Variants in ZNF565 observed in about 807,000 individuals in gnomAD.
ZNF565 encodes zinc finger protein 565.
Under a neutral mutation model 39.4 loss-of-function variants are expected in ZNF565, and 27 were observed. The ratio of observed to expected loss-of-function variants is 0.69; its 90% CI spans 0.51 to 0.95. The LOEUF (loss-of-function observed/expected upper bound fraction) is 0.95. Among genes scored for constraint, ZNF565 ranks in the 40% least tolerant of loss-of-function variants. The pLI is 0.00. For synonymous variants in ZNF565, 185 were observed against 216.6 expected, an observed-to-expected ratio of 0.85 and a Z score of 1.28; for missense variants, 524 against 621.1, an observed-to-expected ratio of 0.84 and a Z score of 1.66.
intron 4 of ZNF565, among the ~76,000 whole-genome samples, chr19:36,187,454 C>T (rs954692039): frequency 6.6e-6 from 1 of 151,802 alleles, no homozygotes; most frequent in Non-Finnish European, 1.5e-5. Context: ...CTCTGCCTCC[C>T]GGATTCACGC....
chr19:36,212,975 A>G (rs935695586), intron 1 of ZNF565: 9 of 152,260 alleles, frequency 5.9e-5, no homozygotes, highest in African/African-American at 2.2e-4. Flanking sequence ...GCAAGGAATC[A>G]TGAACAACCA....
At chr19:36,240,906 T>G (rs953523705) in intron 1 of ZNF565, among the ~76,000 whole-genome samples, 3 of 152,148 alleles carry the variant, frequency 2.0e-5, no homozygotes, top group African/African-American at 7.2e-5. Context: ...AGTCTCCACT[T>G]TCATGAGTAG....
intron 1 of ZNF565, among the ~76,000 whole-genome samples, chr19:36,209,024 G>A (rs1976255920): frequency 6.6e-6 from 1 of 151,982 alleles, no homozygotes; most frequent in South Asian, 2.1e-4. Context: ...TAGAGATGGG[G>A]TTTCGTCATA....
chr19:36,209,626 T>C (rs543760950), intron 1 of ZNF565, among the ~76,000 whole-genome samples: 1 of 152,276 alleles, frequency 6.6e-6, no homozygotes, highest in South Asian at 2.1e-4. Context: ...TGTGATTGTT[T>C]CACATACTCA....
At chr19:36,244,539 G>T (rs576517172) in intron 1 of ZNF565, among the ~76,000 whole-genome samples, 1 of 151,796 alleles carries the variant, frequency 6.6e-6, no homozygotes, top group South Asian at 2.1e-4. Flanking sequence ...AGACCCTAAA[G>T]AAAAAGTTTA....
upstream of ZNF565, among the ~76,000 whole-genome samples, chr19:36,219,133 CTTTT>C: frequency 6.6e-6 from 1 of 152,106 alleles, no homozygotes; most frequent in South Asian, 2.1e-4. Flanking sequence ...TGGATATTTC[CTTTT>C]TTAACTGGAA....
At chr19:36,184,731 T>C (rs1440484725) in intron 4 of ZNF565, among the ~76,000 whole-genome samples, 1 of 152,194 alleles carries the variant, frequency 6.6e-6, no homozygotes, top group Non-Finnish European at 1.5e-5. Context: ...GGCATCTATA[T>C]TTTCAACACT....
chr19:36,245,344 C>A lies in ZNF565; in HGVS notation c.55+132G>T. On this transcript the variant is annotated intron_variant, in intron 1 of 4. Coordinates refer to the ZNF565 transcript ENST00000355114. The surrounding 1 kb of genome is among the most constrained non-coding windows in gnomAD (Gnocchi z 4.4). Reference sequence around the variant, plus strand: ...TCTAAGCCGAGGGGCTGCTGCCGGACATTCTAGGGTCTGATCTGGCGGGCT... The same window carrying A: ...TCTAAGCCGAGGGGCTGCTGCCGGAAATTCTAGGGTCTGATCTGGCGGGCT... 1.5e-6 allele frequency: 1 copy of A among 655,860 alleles called. No homozygotes were observed. The allele number at this position is 655,860 out of a possible 1,614,324, so 40.6% of individuals were successfully genotyped here.
At chr19:36,191,006 AAAAACACAT>A (rs1375110688) in intron 4 of ZNF565, among the ~76,000 whole-genome samples, 1 of 151,204 alleles carries the variant, frequency 6.6e-6, no homozygotes, top group African/African-American at 2.4e-5. Flanking sequence ...AAAAAAAAAA[AAAAACACAT>A]AAAAACAAAC....
intron 3 of ZNF565, chr19:36,194,691 C>T (rs1009806594): frequency 1.7e-5 from 8 of 479,746 alleles, no homozygotes; most frequent in South Asian, 1.5e-4. Context: ...CTGTGCCCAG[C>T]TCTGGGATCC....
At chr19:36,206,676 C>CA in intron 1 of ZNF565, among the ~76,000 whole-genome samples, 1 of 151,880 alleles carries the variant, frequency 6.6e-6, no homozygotes, top group East Asian at 1.9e-4. Flanking sequence ...ACTAAAAATA[C>CA]AAAAAATTAG....
At chr19:36,207,745 A>G (rs1190276738) in intron 1 of ZNF565, among the ~76,000 whole-genome samples, 1 of 152,166 alleles carries the variant, frequency 6.6e-6, no homozygotes, top group African/African-American at 2.4e-5. Flanking sequence ...ATGAAATCTC[A>G]GCTGAGGTGA....
At chr19:36,192,423 C>T (rs1323973583) in intron 4 of ZNF565, among the ~76,000 whole-genome samples, 1 of 151,860 alleles carries the variant, frequency 6.6e-6, no homozygotes, top group Non-Finnish European at 1.5e-5. Flanking sequence ...AAGTGAGAGA[C>T]AATCTACAAA....
intron 1 of ZNF565, among the ~76,000 whole-genome samples, chr19:36,242,615 C>G (rs1161685393): frequency 6.6e-6 from 1 of 151,678 alleles, no homozygotes; most frequent in Non-Finnish European, 1.5e-5. Context: ...ATCCCAGCTA[C>G]TTGGGAGGCT....
chr19:36,228,662 A>T (rs1015958322), intron 1 of ZNF565: 2 of 152,262 alleles, frequency 1.3e-5, no homozygotes, highest in African/African-American at 4.8e-5. Flanking sequence ...TCAGAAGGCC[A>T]GGAGACCCCA....
intron 2 of ZNF565, among the ~76,000 whole-genome samples, chr19:36,196,336 A>G (rs1599926927): frequency 6.6e-6 from 1 of 152,108 alleles, no homozygotes; most frequent in Non-Finnish European, 1.5e-5. Flanking sequence ...TCAGCCTCCC[A>G]AAGCACTGGG....
chr19:36,240,073 CA>C (rs1377745647), intron 1 of ZNF565, among the ~76,000 whole-genome samples: 1 of 152,162 alleles, frequency 6.6e-6, no homozygotes, highest in Non-Finnish European at 1.5e-5. Flanking sequence ...CCTGTTTGCA[CA>C]TATATTTCAC....
intron 1 of ZNF565, among the ~76,000 whole-genome samples, chr19:36,219,742 A>T (rs1425070996): frequency 6.6e-6 from 1 of 152,192 alleles, no homozygotes; most frequent in African/African-American, 2.4e-5. Flanking sequence ...CAGGTATTGT[A>T]AAGTGATGAT....
chr19:36,198,767 T>A (rs1975855046), intron 2 of ZNF565, among the ~76,000 whole-genome samples: 1 of 152,066 alleles, frequency 6.6e-6, no homozygotes, highest in Non-Finnish European at 1.5e-5. Context: ...CCCAGCTAAT[T>A]TTTGTATTTT....
Sources: allele counts gnomAD v4.1 joint callset (sites outside exome capture counted in the v4.1 genomes callset), GRCh38; gene constraint gnomAD v4.1.1; non-coding constraint Gnocchi (gnomAD v3.1); transcripts MANE v1.5; gene names NCBI Gene and HGNC (gene_info 2026-07-23, HGNC 2026-07-21).